The following GAP43 variants were observed in gnomAD, a reference collection of about 807,000 sequenced individuals.
GAP43 encodes the protein neuromodulin.
GAP43 carries 6 observed loss-of-function variants against 18.6 expected under a neutral mutation model. The observed-to-expected ratio is 0.32, with a 90% confidence interval of 0.18 to 0.64. GAP43 has a LOEUF of 0.64. GAP43 is among the 30% of genes least tolerant of loss of function. The pLI is 0.78. For missense variants in GAP43, 292 were observed against 295.5 expected (o/e 0.99, Z 0.09); for synonymous variants, 115 against 111.4 (o/e 1.03, Z -0.20).
At chr3:115,628,130 C>T (rs1708214564) in intron 1 of GAP43, among the ~76,000 whole-genome samples, 2 of 151,968 alleles carry the variant, frequency 1.3e-5, no homozygotes, top group African/African-American at 4.8e-5. Flanking sequence ...TTAGAGGCCC[C>T]AGTTTTGCAG....
intron 2 of GAP43, among the ~76,000 whole-genome samples, chr3:115,686,730 A>T (rs1326601762): frequency 6.6e-6 from 1 of 152,206 alleles, no homozygotes; most frequent in Non-Finnish European, 1.5e-5. Flanking sequence ...ATAAGAAAAG[A>T]AGGAAAATTT....
At chr3:115,720,371 G>A (rs1709561598) in intron 2 of GAP43, among the ~76,000 whole-genome samples, 1 of 152,148 alleles carries the variant, frequency 6.6e-6, no homozygotes, top group Non-Finnish European at 1.5e-5. Context: ...GGAAATGAGT[G>A]GTAAGAAACT....
At chr3:115,666,042 T>G (rs1339825790) in intron 1 of GAP43, among the ~76,000 whole-genome samples, 1 of 148,002 alleles carries the variant, frequency 6.8e-6, no homozygotes, top group Non-Finnish European at 1.5e-5. Context: ...GGTTGGGGGA[T>G]GTCAGGTGAA....
chr3:115,720,572 T>C (rs947589542), intron 2 of GAP43, among the ~76,000 whole-genome samples: 1 of 152,208 alleles, frequency 6.6e-6, no homozygotes, highest in Admixed American at 6.5e-5. Flanking sequence ...CACATACCTT[T>C]GCTCCTGAGT....
intron 2 of GAP43, among the ~76,000 whole-genome samples, chr3:115,684,171 C>T (rs1382396857): frequency 3.3e-5 from 5 of 152,086 alleles, no homozygotes; most frequent in Non-Finnish European, 7.4e-5. Flanking sequence ...AATATTCTAT[C>T]CTGGTGGCAC....
chr3:115,669,497 A>C (rs536294882), intron 1 of GAP43, among the ~76,000 whole-genome samples: 166 of 152,322 alleles, frequency 1.1e-3, no homozygotes, highest in African/African-American at 3.7e-3. Flanking sequence ...GCTCTAAGTA[A>C]AATAGACAAG....
intron 2 of GAP43, among the ~76,000 whole-genome samples, chr3:115,683,963 G>A (rs1024319507): frequency 2.6e-5 from 4 of 152,140 alleles, no homozygotes; most frequent in Non-Finnish European, 5.9e-5. Context: ...CAAGTTAGAT[G>A]TGATTACTCA....
At chr3:115,651,607 G>C (rs1708518921) in intron 1 of GAP43, among the ~76,000 whole-genome samples, 1 of 152,066 alleles carries the variant, frequency 6.6e-6, no homozygotes, top group African/African-American at 2.4e-5. Context: ...CAACACAGAA[G>C]CAGAAGGTTG....
intron 2 of GAP43, among the ~76,000 whole-genome samples, chr3:115,711,177 G>T (rs1709432061): frequency 6.6e-6 from 1 of 152,042 alleles, no homozygotes; most frequent in Non-Finnish European, 1.5e-5. Context: ...GATTTCTGTG[G>T]TTATACCATA....
At chr3:115,645,075 C>T (rs1251351156) in intron 1 of GAP43, among the ~76,000 whole-genome samples, 2 of 152,038 alleles carry the variant, frequency 1.3e-5, no homozygotes, top group East Asian at 1.9e-4. Context: ...TCATCTATTG[C>T]TTTCATGGTA....
intron 1 of GAP43, among the ~76,000 whole-genome samples, chr3:115,627,588 A>T (rs1251752693): frequency 2.0e-5 from 3 of 152,134 alleles, no homozygotes; most frequent in African/African-American, 7.2e-5. Context: ...TCAGGCAAGA[A>T]TAGAGCATAT....
intron 2 of GAP43, among the ~76,000 whole-genome samples, chr3:115,712,105 T>G (rs1324463653): frequency 6.6e-6 from 1 of 152,200 alleles, no homozygotes; most frequent in Non-Finnish European, 1.5e-5. Context: ...CTAGTCAACT[T>G]GTACCTTCTT....
At chr3:115,625,609 T>C (rs1178822051) in intron 1 of GAP43, among the ~76,000 whole-genome samples, 1 of 152,142 alleles carries the variant, frequency 6.6e-6, no homozygotes, top group African/African-American at 2.4e-5. Flanking sequence ...TATGTGTACA[T>C]ATGCAAGTAT....
chr3:115,696,588 C>CCG (rs1553724445), intron 2 of GAP43, among the ~76,000 whole-genome samples: 2 of 130,432 alleles, frequency 1.5e-5, no homozygotes, highest in African/African-American at 6.0e-5. Context: ...GCCCCCCCCC[C>CCG]CCACAAACAG....
At chr3:115,683,324 T>C (rs1006650929) in intron 2 of GAP43, among the ~76,000 whole-genome samples, 2 of 152,216 alleles carry the variant, frequency 1.3e-5, no homozygotes, top group South Asian at 4.2e-4. Flanking sequence ...ATGGGGTTGA[T>C]AGTAGAGAAG....
intron 1 of GAP43, among the ~76,000 whole-genome samples, chr3:115,626,608 G>A (rs1017049636): frequency 1.3e-5 from 2 of 152,160 alleles, no homozygotes; most frequent in African/African-American, 4.8e-5. Flanking sequence ...TAATTGCCAT[G>A]TGTATTGCAG....
chr3:115,650,080 C>T (rs1302198654), intron 1 of GAP43, among the ~76,000 whole-genome samples: 1 of 152,130 alleles, frequency 6.6e-6, no homozygotes, highest in Non-Finnish European at 1.5e-5. Context: ...TTCACAAGCT[C>T]CTCAGATGAT....
At chr3:115,645,686 AAACTT>A (rs1708450771) in intron 1 of GAP43, among the ~76,000 whole-genome samples, 1 of 152,058 alleles carries the variant, frequency 6.6e-6, no homozygotes, top group South Asian at 2.1e-4. Context: ...TATTGAATGA[AAACTT>A]AACTCAGTTT....
chr3:115,700,508 A>G (rs535083717), intron 2 of GAP43, among the ~76,000 whole-genome samples: 1 of 152,298 alleles, frequency 6.6e-6, no homozygotes, highest in African/African-American at 2.4e-5. Context: ...TCCATAGCAT[A>G]GAGTCTTCCT....
Sources: allele counts gnomAD v4.1 joint callset (sites outside exome capture counted in the v4.1 genomes callset), GRCh38; gene constraint gnomAD v4.1.1; transcripts MANE v1.5; gene names NCBI Gene and HGNC (gene_info 2026-07-23, HGNC 2026-07-21).